The following PPFIA2 variants were observed in gnomAD, a reference collection of about 807,000 sequenced individuals.
PPFIA2 encodes the protein liprin-alpha-2.
Under a neutral mutation model 175.5 loss-of-function variants are expected in PPFIA2, and 46 were observed. The ratio of observed to expected loss-of-function variants is 0.26; its 90% CI spans 0.21 to 0.34. The LOEUF is 0.34. Ranked by LOEUF, PPFIA2 falls within the 10% of genes least tolerant of loss-of-function variation. The probability of loss-of-function intolerance (pLI) is 1.00; values close to 1 mark genes in which losing one functional copy is unlikely to be tolerated. For missense variants in PPFIA2, 1,179 were observed against 1,506.1 expected, an observed-to-expected ratio of 0.78 and a Z score of 3.60; for synonymous variants, 568 against 511.4, an observed-to-expected ratio of 1.11 and a Z score of -1.49.
At chr12:81,735,562 T>C (rs991673155) in intron 3 of PPFIA2, among the ~76,000 whole-genome samples, 9 of 151,838 alleles carry the variant, frequency 5.9e-5, no homozygotes, top group Non-Finnish European at 1.3e-4. Flanking sequence ...TTTCTTACTA[T>C]TTTGAAGTAT....
At chr12:81,665,847 A>C (rs1413479681) in intron 4 of PPFIA2, among the ~76,000 whole-genome samples, 1 of 151,518 alleles carries the variant, frequency 6.6e-6, no homozygotes, top group Non-Finnish European at 1.5e-5. Flanking sequence ...ATGGGAGAAA[A>C]TTTTTGCAAT....
intron 22 of PPFIA2, among the ~76,000 whole-genome samples, chr12:81,317,413 G>A (rs1013186243): frequency 4.0e-5 from 6 of 151,514 alleles, no homozygotes; most frequent in Non-Finnish European, 8.9e-5. Flanking sequence ...TAGCTTAAGC[G>A]TGACTAACGG....
Position 81,587,867 on chromosome 12 carries a change from C to T in PPFIA2, c.303+88924G>A, listed in dbSNP as rs143035463. ...TTGTTGAAGTCTGACATAATGGTGCCTCACAACAAGGTGTGTCAAAGTTAG... is the reference window on the plus strand; with the variant it reads ...TTGTTGAAGTCTGACATAATGGTGCTTCACAACAAGGTGTGTCAAAGTTAG... On this transcript the variant is annotated intron_variant, in intron 4 of 32. Transcript: ENST00000549396. Among the ~76,000 whole-genome samples, 3 of 152,032 alleles carry T rather than the reference C, an allele frequency of 2.0e-5. No individual in the cohort carries two copies. In the East Asian group the frequency reaches 5.8e-4, roughly 29 times the overall value.
At chr12:81,321,338 G>A (rs897707121) in intron 22 of PPFIA2, among the ~76,000 whole-genome samples, 17 of 151,842 alleles carry the variant, frequency 1.1e-4, no homozygotes, top group Admixed American at 3.3e-4. Context: ...ATATATTCCA[G>A]GGGAGAAAAG....
At chr12:81,730,670 T>C (rs1464317364) in intron 3 of PPFIA2, among the ~76,000 whole-genome samples, 1 of 151,622 alleles carries the variant, frequency 6.6e-6, no homozygotes, top group Non-Finnish European at 1.5e-5. Flanking sequence ...AACAAACACT[T>C]GGACCAGAAT....
At chr12:81,457,184 A>G (rs143028214) in intron 5 of PPFIA2, among the ~76,000 whole-genome samples, 2 of 151,720 alleles carry the variant, frequency 1.3e-5, no homozygotes, top group African/African-American at 2.4e-5. Context: ...GGGTTTCACC[A>G]TGTTGGCCAG....
chr12:81,712,359 A>G lies in PPFIA2; in HGVS notation c.250-35515T>C, dbSNP rs531639278. 2.0e-5 allele frequency among the ~76,000 whole-genome samples: 3 copies of G among 151,488 alleles called. No individual in the cohort carries two copies. In the South Asian group the frequency reaches 6.2e-4, roughly 31 times the overall value. On this transcript the variant is annotated intron_variant, in intron 3 of 32. Transcript: ENST00000549396. ...ACAAAGTACTTAATATTTTCTATTG[A>G]TATGTTCCAAAGAGAACCTCACAAA...
At chr12:81,438,261 A>C (rs1053982816) in intron 7 of PPFIA2, among the ~76,000 whole-genome samples, 1 of 152,116 alleles carries the variant, frequency 6.6e-6, no homozygotes, top group African/African-American at 2.4e-5. Flanking sequence ...CTAGGTTAGG[A>C]GTTCAAGACC....
At chr12:81,284,856 C>T (rs1418201138) in intron 24 of PPFIA2, among the ~76,000 whole-genome samples, 2 of 152,138 alleles carry the variant, frequency 1.3e-5, no homozygotes, top group African/African-American at 2.4e-5. Flanking sequence ...ATTCCTTTTA[C>T]TGTGTGTGAT....
intron 4 of PPFIA2, among the ~76,000 whole-genome samples, chr12:81,536,889 C>T (rs896681722): frequency 2.7e-5 from 4 of 149,590 alleles, no homozygotes; most frequent in African/African-American, 9.8e-5. Context: ...TAGAAAAACA[C>T]GCTATATTTC....
intron 7 of PPFIA2, among the ~76,000 whole-genome samples, chr12:81,432,527 G>A (rs565157681): frequency 2.0e-5 from 3 of 147,868 alleles, no homozygotes; most frequent in East Asian, 4.0e-4. Flanking sequence ...GTGCAGTGGC[G>A]TGATCTTGGC....
chr12:81,533,739 A>ATATC (rs1262465182), intron 4 of PPFIA2, among the ~76,000 whole-genome samples: 287 of 51,324 alleles, frequency 5.6e-3, no homozygotes, highest in Admixed American at 8.5e-3. Flanking sequence ...ATCTATCTAT[A>ATATC]TATCTATCTA....
intron 3 of PPFIA2, among the ~76,000 whole-genome samples, chr12:81,737,972 C>T (rs2081838974): frequency 6.6e-6 from 1 of 151,504 alleles, no homozygotes; most frequent in South Asian, 2.1e-4. Context: ...AATATTTTTC[C>T]AAACCAATAA....
intron 3 of PPFIA2, among the ~76,000 whole-genome samples, chr12:81,748,175 A>G (rs995835134): frequency 6.9e-6 from 1 of 144,094 alleles, no homozygotes; most frequent in African/African-American, 2.4e-5. Flanking sequence ...AATAGTCTTT[A>G]TATTTCAATT....
intron 4 of PPFIA2, among the ~76,000 whole-genome samples, chr12:81,496,759 G>C (rs889048753): frequency 6.6e-6 from 1 of 152,198 alleles, no homozygotes; most frequent in African/African-American, 2.4e-5. Flanking sequence ...AATATGCTGA[G>C]TAAATGTATA....
intron 4 of PPFIA2, among the ~76,000 whole-genome samples, chr12:81,573,723 T>C (rs1476858055): frequency 1.3e-5 from 2 of 151,882 alleles, no homozygotes; most frequent in Non-Finnish European, 2.9e-5. Context: ...TAATCACTGA[T>C]GCCAGGGGCT....
At chr12:81,375,635 A>T (rs1339127178) in intron 10 of PPFIA2, 161 bp downstream of exon 10, 2 of 726,544 alleles carry the variant, frequency 2.8e-6, no homozygotes, top group Non-Finnish European at 4.5e-6. Context: ...CTGGAAAGTA[A>T]ATTTCACACT....
chr12:81,362,934 T>G (rs2031487508), intron 14 of PPFIA2, 150 bp from the exon 15 acceptor site: 2 of 455,270 alleles, frequency 4.4e-6, no homozygotes, highest in Admixed American at 3.8e-5. Flanking sequence ...ACGCCAAAAT[T>G]TTCCCCTTGT....
Position 81,375,864 on chromosome 12 carries a change from T to C in PPFIA2, c.1063A>G (p.Thr355Ala), listed in dbSNP as rs777911854. ...KRYLSAQRES[T>A]SIHDMNDKLE... ...TTATCATTCATGTCATGTATGGAGG[T>C]AGATTCTCTCTGAGCACTGAGGTAA... Residue 355 changes from threonine to alanine, a missense_variant, in exon 10 of 33, where the codon ACC becomes GCC. By Grantham distance (58) the Thr-to-Ala change is moderately conservative. This residue lies in a region of PPFIA2 where 226 missense variants were observed against 216.6 expected (regional missense o/e 1.04). Transcript: ENST00000549396. The C allele has an allele frequency of 2.5e-6, 4 of 1,609,016 alleles. No individual in the cohort carries two copies. The South Asian group carries it at 3.3e-5, about 13-fold the overall frequency.
Sources: gnomAD v4.1 joint callset for allele counts (sites outside exome capture counted in the v4.1 genomes callset) on GRCh38, gnomAD v4.1.1 for gene constraint, gnomAD v4.1.1 regional missense constraint, MANE v1.5 for transcripts, NCBI Gene and HGNC (gene_info 2026-07-23, HGNC 2026-07-21) for gene names.